Variants in SGCZ observed in about 807,000 individuals in gnomAD.
SGCZ encodes zeta-sarcoglycan.
SGCZ carries 40 observed loss-of-function variants against 41.3 expected under a neutral mutation model. The ratio of observed to expected loss-of-function variants is 0.97; its 90% CI spans 0.75 to 1.26. The LOEUF (loss-of-function observed/expected upper bound fraction) is 1.26. Among genes scored for constraint, SGCZ ranks in the 50% most tolerant of loss-of-function variants. SGCZ has a pLI of 0.00. For synonymous variants in SGCZ, 206 were observed against 137.5 expected, an observed-to-expected ratio of 1.50 and a Z score of -3.49; for missense variants, 552 against 369.8, an observed-to-expected ratio of 1.49 and a Z score of -4.04.
At chr8:14,915,790 T>G (rs1799417716) in intron 1 of SGCZ, among the ~76,000 whole-genome samples, 1 of 152,116 alleles carries the variant, frequency 6.6e-6, no homozygotes, top group South Asian at 2.1e-4. Context: ...GGAAAGGAAT[T>G]GCTCTCCTCT....
chr8:14,152,544 C>A (rs1425102522), intron 5 of SGCZ, among the ~76,000 whole-genome samples: 2 of 152,266 alleles, frequency 1.3e-5, no homozygotes, highest in Non-Finnish European at 2.9e-5. Flanking sequence ...CATATGACAA[C>A]ACCAGACTGG....
chr8:14,300,781 T>C (rs1419833497), intron 3 of SGCZ, among the ~76,000 whole-genome samples: 1 of 152,000 alleles, frequency 6.6e-6, no homozygotes, highest in Admixed American at 6.6e-5. Context: ...TTTTGAGAAA[T>C]TTCTATTCAG....
intron 2 of SGCZ, among the ~76,000 whole-genome samples, chr8:14,384,578 G>C (rs937357162): frequency 6.6e-6 from 1 of 152,002 alleles, no homozygotes; most frequent in Non-Finnish European, 1.5e-5. Context: ...TTTATTTCTT[G>C]AGACAAAGTC....
chr8:14,234,893 A>G (rs189369245), intron 4 of SGCZ, among the ~76,000 whole-genome samples: 293 of 152,312 alleles, frequency 1.9e-3, no homozygotes, highest in Middle Eastern at 6.8e-3. Flanking sequence ...ATCTCTCAAC[A>G]GTACCATAAT....
intron 1 of SGCZ, among the ~76,000 whole-genome samples, chr8:14,914,327 G>A (rs986564029): frequency 1.3e-5 from 2 of 151,906 alleles, no homozygotes; most frequent in East Asian, 3.9e-4. Flanking sequence ...TCACATTTTT[G>A]TATGTACATC....
chr8:14,171,034 T>C (rs891775107), intron 4 of SGCZ, among the ~76,000 whole-genome samples: 1 of 152,024 alleles, frequency 6.6e-6, no homozygotes, highest in Non-Finnish European at 1.5e-5. Context: ...TACTGTATAA[T>C]TTATGGAAGG....
intron 1 of SGCZ, among the ~76,000 whole-genome samples, chr8:14,857,957 T>A (rs1449308611): frequency 6.6e-6 from 1 of 152,170 alleles, no homozygotes. Flanking sequence ...ATGGGCAAGA[T>A]TCAAAAATAC....
chr8:14,935,189 T>A (rs1458389862), intron 1 of SGCZ, among the ~76,000 whole-genome samples: 1 of 151,754 alleles, frequency 6.6e-6, no homozygotes, highest in African/African-American at 2.4e-5. Flanking sequence ...TTAAAAGATA[T>A]TTTATTTTTT....
At chr8:14,765,546 C>T (rs1276609390) in intron 1 of SGCZ, among the ~76,000 whole-genome samples, 1 of 152,166 alleles carries the variant, frequency 6.6e-6, no homozygotes, top group Non-Finnish European at 1.5e-5. Context: ...GAGTATCCCT[C>T]AGAATGGATA....
chr8:14,906,403 G>A (rs190813906), intron 1 of SGCZ, among the ~76,000 whole-genome samples: 1 of 152,088 alleles, frequency 6.6e-6, no homozygotes, highest in African/African-American at 2.4e-5. Context: ...GAAGACACCA[G>A]GTATATTCTG....
At chr8:14,169,245 G>A (rs1002681676) in intron 4 of SGCZ, among the ~76,000 whole-genome samples, 8 of 152,108 alleles carry the variant, frequency 5.3e-5, no homozygotes, top group Non-Finnish European at 1.5e-5. Context: ...TCTGAAGAAT[G>A]TATGTTGACT....
At chr8:15,132,262 C>T in intron 1 of SGCZ, among the ~76,000 whole-genome samples, 1 of 152,154 alleles carries the variant, frequency 6.6e-6, no homozygotes, top group East Asian at 1.9e-4. Context: ...ATTCCTCAGA[C>T]CCGCAGCATC....
chr8:15,175,985 A>G (rs1368034325), intron 1 of SGCZ, among the ~76,000 whole-genome samples: 1 of 152,228 alleles, frequency 6.6e-6, no homozygotes, highest in Non-Finnish European at 1.5e-5. Flanking sequence ...ATTAAACACC[A>G]GGATGAAGAG....
intron 1 of SGCZ, among the ~76,000 whole-genome samples, chr8:14,924,958 A>G (rs772658665): frequency 2.1e-4 from 31 of 151,218 alleles, no homozygotes; most frequent in Admixed American, 4.0e-4. Context: ...TTTGGGTTCA[A>G]GCGATTCTTG....
chr8:14,785,870 T>C (rs1457416738), intron 1 of SGCZ, among the ~76,000 whole-genome samples: 3 of 152,082 alleles, frequency 2.0e-5, no homozygotes, highest in African/African-American at 4.8e-5. Flanking sequence ...CCAAGGCTAA[T>C]TGTGGAAACT....
chr8:14,157,624 AAAG>A (rs1472934960), intron 5 of SGCZ, among the ~76,000 whole-genome samples: 2 of 152,074 alleles, frequency 1.3e-5, no homozygotes, highest in Non-Finnish European at 2.9e-5. Context: ...GTAGATTAAA[AAAG>A]AAGAATGTTG....
intron 1 of SGCZ, among the ~76,000 whole-genome samples, chr8:14,922,949 C>T (rs1369865756): frequency 6.6e-6 from 1 of 152,190 alleles, no homozygotes; most frequent in Non-Finnish European, 1.5e-5. Context: ...AAAGTTTTCT[C>T]ATCAGTTCTT....
intron 1 of SGCZ, among the ~76,000 whole-genome samples, chr8:14,583,904 T>G (rs1185366362): frequency 6.6e-6 from 1 of 152,156 alleles, no homozygotes; most frequent in African/African-American, 2.4e-5. Context: ...TATTTTCCCA[T>G]TTTGAGGTAT....
chr8:14,710,593 T>A (rs1209789285), intron 1 of SGCZ, among the ~76,000 whole-genome samples: 2 of 152,064 alleles, frequency 1.3e-5, no homozygotes, highest in African/African-American at 4.8e-5. Flanking sequence ...AATAATTATA[T>A]ACTCTGCCTT....
Sources: allele counts gnomAD v4.1 joint callset (sites outside exome capture counted in the v4.1 genomes callset), GRCh38; gene constraint gnomAD v4.1.1; transcripts MANE v1.5; gene names NCBI Gene and HGNC (gene_info 2026-07-23, HGNC 2026-07-21).